ADK: variants seen among roughly 807,000 people sequenced by gnomAD.
ADK encodes N6,N6-dimethyladenosine kinase.
ADK carries 24 observed loss-of-function variants against 44.7 expected under a neutral mutation model. The observed-to-expected ratio is 0.54, with a 90% confidence interval of 0.39 to 0.76. ADK has a LOEUF of 0.76. ADK is among the 30% of genes least tolerant of loss of function. The probability of loss-of-function intolerance (pLI) is 0.00; values close to 1 mark genes in which losing one functional copy is unlikely to be tolerated. For synonymous variants in ADK, 128 were observed against 142.6 expected, an observed-to-expected ratio of 0.90 and a Z score of 0.73; for missense variants, 321 against 425.1, an observed-to-expected ratio of 0.76 and a Z score of 2.15.
chr10:74,525,013 G>C (rs1215603391), intron 6 of ADK, among the ~76,000 whole-genome samples: 1 of 152,036 alleles, frequency 6.6e-6, no homozygotes, highest in Non-Finnish European at 1.5e-5. Flanking sequence ...GAATTCTTTA[G>C]TATTGAGCAT....
intron 8 of ADK, among the ~76,000 whole-genome samples, chr10:74,594,400 AT>A (rs1851824164): frequency 1.4e-5 from 2 of 142,046 alleles, no homozygotes; most frequent in Admixed American, 1.5e-4. Flanking sequence ...AACAGAAGAA[AT>A]AAAAAAAAAA....
chr10:74,414,719 A>AG (rs1355815143), intron 6 of ADK, among the ~76,000 whole-genome samples: 2 of 152,180 alleles, frequency 1.3e-5, no homozygotes, highest in Non-Finnish European at 2.9e-5. Flanking sequence ...TCAAAAAAAA[A>AG]GAAAAGAAAG....
chr10:74,303,631 C>T (rs1490205975), intron 3 of ADK, among the ~76,000 whole-genome samples: 4 of 90,970 alleles, frequency 4.4e-5, no homozygotes, highest in Non-Finnish European at 7.8e-5. Context: ...AAGGCATGCA[C>T]AAGATAAAGC....
intron 8 of ADK, among the ~76,000 whole-genome samples, chr10:74,599,947 T>C (rs2133962266): frequency 6.6e-6 from 1 of 152,282 alleles, no homozygotes; most frequent in South Asian, 2.1e-4. Flanking sequence ...AACCTCTCTT[T>C]AATTGGGAAT....
At chr10:74,394,065 A>T (rs921034873) in intron 4 of ADK, 76 bp from the exon 5 acceptor site, 5 of 1,403,300 alleles carry the variant, frequency 3.6e-6, no homozygotes, top group Non-Finnish European at 5.1e-6. Flanking sequence ...TTGTCACATC[A>T]CTATCTGTGG....
At chr10:74,332,004 C>T (rs1841234756) in intron 4 of ADK, among the ~76,000 whole-genome samples, 1 of 152,100 alleles carries the variant, frequency 6.6e-6, no homozygotes, top group Non-Finnish European at 1.5e-5. Flanking sequence ...CAGGCTTCTG[C>T]CACCATGCCC....
chr10:74,665,781 G>T (rs920544182), intron 9 of ADK, among the ~76,000 whole-genome samples: 2 of 129,408 alleles, frequency 1.5e-5, no homozygotes, highest in Non-Finnish European at 3.3e-5. Context: ...GAGAGAGAGA[G>T]ACAGACAGAC....
chr10:74,443,702 CAATA>C (rs1845501379), intron 6 of ADK, among the ~76,000 whole-genome samples: 2 of 152,036 alleles, frequency 1.3e-5, no homozygotes, highest in African/African-American at 4.8e-5. Flanking sequence ...AATTAGATCT[CAATA>C]AAGCTTTTAT....
rs370217588 is a variant in ADK, at chr10:74,233,424, G to C, written c.194+8833G>C. On this transcript the variant is annotated intron_variant, in intron 3 of 10. Transcript: ENST00000539909. ...GTAGTTGTGGACGTAAGGTAGAGTG[G>C]GGATGAGTAAGGACAGATTACAGTT... is the stretch of plus-strand genomic sequence containing the variant. Among the ~76,000 whole-genome samples the C allele has an allele frequency of 2.0e-5, 3 of 152,112 alleles. No homozygotes were observed. In the East Asian group the frequency reaches 5.8e-4, roughly 29 times the overall value.
intron 5 of ADK, 47 bp downstream of exon 5, chr10:74,394,360 C>T: frequency 6.4e-7 from 1 of 1,568,120 alleles, no homozygotes; most frequent in Non-Finnish European, 8.8e-7. Flanking sequence ...GCTATTTTAA[C>T]ACTGGTAAAA....
At chr10:74,274,321 G>A (rs1319296158) in intron 3 of ADK, among the ~76,000 whole-genome samples, 2 of 152,064 alleles carry the variant, frequency 1.3e-5, no homozygotes, top group Non-Finnish European at 2.9e-5. Flanking sequence ...CAGCACTTTG[G>A]GAGGCCGAGG....
At chr10:74,416,045 C>T (rs1844361883) in intron 6 of ADK, among the ~76,000 whole-genome samples, 1 of 150,950 alleles carries the variant, frequency 6.6e-6, no homozygotes, top group African/African-American at 2.4e-5. Flanking sequence ...CACACACACA[C>T]ACACACACAC....
At chr10:74,376,260 A>T (rs1169233342) in intron 4 of ADK, among the ~76,000 whole-genome samples, 1 of 152,162 alleles carries the variant, frequency 6.6e-6, no homozygotes, top group Non-Finnish European at 1.5e-5. Flanking sequence ...TGAATTTAAA[A>T]ATCATATTGA....
At chr10:74,473,671 G>T (rs1846695216) in intron 6 of ADK, among the ~76,000 whole-genome samples, 1 of 152,192 alleles carries the variant, frequency 6.6e-6, no homozygotes, top group Non-Finnish European at 1.5e-5. Flanking sequence ...CTTTCCCAAT[G>T]TATCACATCA....
chr10:74,512,758 T>G (rs1014897974), intron 6 of ADK, among the ~76,000 whole-genome samples: 1 of 151,706 alleles, frequency 6.6e-6, no homozygotes, highest in Non-Finnish European at 1.5e-5. Flanking sequence ...GTCTTATTTT[T>G]GTTTATTTCT....
chr10:74,428,064 A>T (rs1400901513), intron 6 of ADK, among the ~76,000 whole-genome samples: 1 of 152,020 alleles, frequency 6.6e-6, no homozygotes, highest in East Asian at 1.9e-4. Context: ...TATAACTTCA[A>T]TTCCTGCCTT....
rs185529601 is a variant in ADK, at chr10:74,514,831, T to A, written c.556-10425T>A. ...TACATGTTTTCTTGCTTTTTTTCCTTCTTCTTCTTTTAAGACAAGTTCTCA... is the reference window on the plus strand; with the variant it reads ...TACATGTTTTCTTGCTTTTTTTCCTACTTCTTCTTTTAAGACAAGTTCTCA... On this transcript the variant is annotated intron_variant, in intron 6 of 10. Coordinates refer to ENST00000539909, the MANE Select transcript of ADK (RefSeq NM_006721.4). 2.6e-3 allele frequency among the ~76,000 whole-genome samples: 392 copies of A among 152,286 alleles called. 2 individuals are homozygous for A. Among genetic ancestry groups the A allele is most frequent in the African/African-American group, 9.0e-3 (375 of 41,556 alleles).
chr10:74,380,199 C>T (rs1280356978), intron 4 of ADK, among the ~76,000 whole-genome samples: 3 of 152,108 alleles, frequency 2.0e-5, no homozygotes, highest in African/African-American at 4.8e-5. Flanking sequence ...TAAGGACCAG[C>T]CTGACTTGTT....
At chr10:74,376,119 A>G (rs749382693) in intron 4 of ADK, among the ~76,000 whole-genome samples, 1 of 151,992 alleles carries the variant, frequency 6.6e-6, no homozygotes, top group Non-Finnish European at 1.5e-5. Flanking sequence ...GTTGATCTGT[A>G]TATTAGTACC....
Sources: gnomAD v4.1 joint callset for allele counts (sites outside exome capture counted in the v4.1 genomes callset) on GRCh38, gnomAD v4.1.1 for gene constraint, MANE v1.5 for transcripts, NCBI Gene and HGNC (gene_info 2026-07-23, HGNC 2026-07-21) for gene names.